The following DNAH3 variants were observed in gnomAD, a reference collection of about 807,000 sequenced individuals.
DNAH3 encodes the protein dynein axonemal heavy chain 3, also known as axonemal beta dynein heavy chain 3.
In DNAH3, 332 loss-of-function variants were observed where a neutral mutation model predicts 432.5. That is an observed-to-expected ratio of 0.77 (90% CI 0.70 to 0.84). The LOEUF (loss-of-function observed/expected upper bound fraction) is 0.84. DNAH3 is among the 40% of genes least tolerant of loss of function. The pLI, the probability that DNAH3 is intolerant of heterozygous loss-of-function variation, is 0.00. For missense variants in DNAH3, 4,861 were observed against 5,114.0 expected (o/e 0.95, Z 1.51); for synonymous variants, 1,956 against 1,900.2 (o/e 1.03, Z -0.76).
exon 25 of DNAH3, chr16:21,062,587 T>G: frequency 6.2e-7 from 1 of 1,614,156 alleles, no homozygotes; most frequent in African/African-American, 1.3e-5. Context: ...GCTTGGCAAT[T>G]CCTTCAAAGC....
At chr16:21,150,241 A>AT (rs1056322125) in intron 1 of DNAH3, 49 bp downstream of exon 2, 5 of 421,966 alleles carry the variant, frequency 1.2e-5, no homozygotes, top group Non-Finnish European at 1.8e-5. Context: ...TAAAAAATAA[A>AT]AAAAAAAAAT....
chr16:20,948,722 C>T (rs560303697), intron 56 of DNAH3, 85 bp from the exon 57 acceptor site: 27 of 1,444,756 alleles, frequency 1.9e-5, no homozygotes, highest in East Asian at 1.1e-4. Flanking sequence ...GGCATTCTTC[C>T]GGCCAAAGAT....
chr16:21,038,372 T>G (rs1034482269), intron 33 of DNAH3, among the ~76,000 whole-genome samples: 3 of 151,908 alleles, frequency 2.0e-5, no homozygotes, highest in African/African-American at 7.3e-5. Context: ...AAAAATGAGC[T>G]GGGCATGGTA....
chr16:21,067,675 C>T (rs1237126069), intron 23 of DNAH3, among the ~76,000 whole-genome samples: 1 of 148,670 alleles, frequency 6.7e-6, no homozygotes, highest in African/African-American at 2.5e-5. Context: ...GTTTAGAATC[C>T]AAACCATGAC....
chr16:21,141,741 G>C (rs1218975472), intron 3 of DNAH3, among the ~76,000 whole-genome samples: 1 of 152,162 alleles, frequency 6.6e-6, no homozygotes, highest in African/African-American at 2.4e-5. Flanking sequence ...TCTTTAAGTA[G>C]ACCTGGGCAT....
chr16:21,096,159 G>C (rs531116160), intron 18 of DNAH3, among the ~76,000 whole-genome samples: 1 of 148,946 alleles, frequency 6.7e-6, no homozygotes, highest in South Asian at 2.1e-4. Context: ...TTTGAGACAA[G>C]GTTTTGCTCT....
chr16:21,116,639 CA>C (rs2152808105), intron 12 of DNAH3, among the ~76,000 whole-genome samples: 1 of 152,262 alleles, frequency 6.6e-6, no homozygotes, highest in East Asian at 1.9e-4. Context: ...CTCACGTGTG[CA>C]GCTGTGAGAT....
chr16:21,068,545 A>G (rs2152760685), intron 23 of DNAH3, among the ~76,000 whole-genome samples: 1 of 152,218 alleles, frequency 6.6e-6, no homozygotes, highest in Non-Finnish European at 1.5e-5. Context: ...CAACTCCTGA[A>G]CTCAAGCAAT....
intron 11 of DNAH3, 82 bp from the exon 12 acceptor site, chr16:21,117,421 C>T (rs1326942620): frequency 2.6e-6 from 2 of 764,682 alleles, no homozygotes; most frequent in Middle Eastern, 2.2e-4. Flanking sequence ...CTCTAATGCA[C>T]TCATTTCCAG....
intron 3 of DNAH3, among the ~76,000 whole-genome samples, chr16:21,144,864 T>C (rs560828997): frequency 2.6e-4 from 39 of 152,110 alleles, no homozygotes; most frequent in Non-Finnish European, 4.0e-4. Flanking sequence ...ATGCCTGTAA[T>C]CCCAGCACTT....
At chr16:21,085,540 A>AG in intron 19 of DNAH3, among the ~76,000 whole-genome samples, 1 of 151,640 alleles carries the variant, frequency 6.6e-6, no homozygotes, top group East Asian at 1.9e-4. Flanking sequence ...AAAAAAAAAA[A>AG]AAAAAAAAGA....
chr16:21,146,704 G>A (rs2092788463), intron 1 of DNAH3, among the ~76,000 whole-genome samples: 2 of 151,768 alleles, frequency 1.3e-5, no homozygotes, highest in South Asian at 2.1e-4. Context: ...CCATCTAACT[G>A]AAATTTTATA....
intron 41 of DNAH3, among the ~76,000 whole-genome samples, chr16:21,013,252 G>A (rs1020387900): frequency 4.6e-5 from 7 of 151,926 alleles, no homozygotes; most frequent in East Asian, 1.9e-4. Context: ...TTGATAGGCC[G>A]GGCACAGTGG....
chr16:20,995,482 C>T (rs1009469140), intron 44 of DNAH3, among the ~76,000 whole-genome samples: 3 of 152,068 alleles, frequency 2.0e-5, no homozygotes, highest in South Asian at 2.1e-4. Flanking sequence ...AGGCTGGTCT[C>T]GAACTCCTGG....
chr16:21,141,515 G>T, intron 3 of DNAH3, 143 bp from the exon 5 acceptor site: 1 of 613,486 alleles, frequency 1.6e-6, no homozygotes, highest in South Asian at 2.1e-5. Context: ...AGGAGATGTG[G>T]GCTCAGGTCT....
chr16:21,061,230 C>T (rs1195071288), intron 25 of DNAH3, among the ~76,000 whole-genome samples: 1 of 118,076 alleles, frequency 8.5e-6, no homozygotes, highest in East Asian at 3.5e-4. Flanking sequence ...GGGCGATAGG[C>T]CTTTTTTTTT....
In DNAH3 at chr16:20,987,682, T is replaced by A; in HGVS notation, c.6882+11A>T. The A allele has an allele frequency of 6.2e-7, 1 of 1,611,596 alleles. No individual in the cohort carries two copies. Among genetic ancestry groups the A allele is most frequent in the Non-Finnish European group, 8.5e-7 (1 of 1,177,890 alleles). ...CTGAATGATCTTGGTAGTAAAATGA[T>A]AGTGGCTGACCTGCAGGTGTGTGTG... is the stretch of plus-strand genomic sequence containing the variant. On this transcript the variant is annotated intron_variant, in intron 46 of 61. Transcript: ENST00000261383.
chr16:21,057,389 C>T (rs1210290546), intron 27 of DNAH3, among the ~76,000 whole-genome samples: 1 of 152,226 alleles, frequency 6.6e-6, no homozygotes, highest in Non-Finnish European at 1.5e-5. Context: ...GTAGGGTTTA[C>T]AGCCTCGTGT....
At chr16:21,156,878 T>A (rs1165732316) in intron 1 of DNAH3, among the ~76,000 whole-genome samples, 1 of 151,646 alleles carries the variant, frequency 6.6e-6, no homozygotes, top group South Asian at 2.1e-4. Flanking sequence ...AATTTGAAGA[T>A]TCACAGAGAC....
Sources: gnomAD v4.1 joint callset for allele counts (sites outside exome capture counted in the v4.1 genomes callset) on GRCh38, gnomAD v4.1.1 for gene constraint, MANE v1.5 for transcripts, NCBI Gene and HGNC (gene_info 2026-07-23, HGNC 2026-07-21) for gene names.